Variants in SHC4 observed in about 807,000 individuals in gnomAD.
SHC4 encodes SHC-transforming protein 4.
A neutral mutation model predicts 69.4 loss-of-function variants in SHC4; 41 were observed. That is an observed-to-expected ratio of 0.59 (90% CI 0.46 to 0.77). The LOEUF (loss-of-function observed/expected upper bound fraction) is 0.77. Ranked by LOEUF, SHC4 falls within the 30% of genes least tolerant of loss-of-function variation. SHC4 has a pLI of 0.00. For missense variants in SHC4, 777 were observed against 783.8 expected, an observed-to-expected ratio of 0.99 and a Z score of 0.10; for synonymous variants, 318 against 299.3, an observed-to-expected ratio of 1.06 and a Z score of -0.64.
chr15:48,950,536 G>A (rs1425984416), intron 1 of SHC4, among the ~76,000 whole-genome samples: 1 of 152,148 alleles, frequency 6.6e-6, no homozygotes, highest in Non-Finnish European at 1.5e-5. Flanking sequence ...GTGTTTCACA[G>A]AATATTAGCT....
chr15:48,914,009 C>T (rs1006493155), intron 2 of SHC4, among the ~76,000 whole-genome samples: 7 of 152,146 alleles, frequency 4.6e-5, no homozygotes, highest in East Asian at 3.9e-4. Flanking sequence ...TGGGTCCTCT[C>T]GGGATTGCTG....
intron 5 of SHC4, among the ~76,000 whole-genome samples, chr15:48,868,203 A>C (rs986420064): frequency 2.6e-5 from 4 of 152,332 alleles, no homozygotes; most frequent in Admixed American, 2.6e-4. Context: ...TCCTAGGTTG[A>C]AAGTTGAAAT....
chr15:48,885,328 G>T (rs1297331442), intron 3 of SHC4, among the ~76,000 whole-genome samples: 1 of 149,130 alleles, frequency 6.7e-6, no homozygotes, highest in African/African-American at 2.5e-5. Context: ...TATATAAAAT[G>T]TGGGGGGAAA....
chr15:48,837,767 T>C lies in SHC4; in HGVS notation c.1484-2745A>G, dbSNP rs563645596. On this transcript the variant is annotated intron_variant, in intron 10 of 11. Transcript: ENST00000332408. ...AAGACATATTGTTCACAATCAGACC[T>C]TCAAGAAAGCACAGTATAGATATGG... is the stretch of plus-strand genomic sequence containing the variant. Among the ~76,000 whole-genome samples, 10 of 152,224 alleles carry C rather than the reference T, an allele frequency of 6.6e-5. No individual in the cohort carries two copies. The South Asian group carries it at 1.9e-3, about 28-fold the overall frequency.
intron 2 of SHC4, among the ~76,000 whole-genome samples, chr15:48,895,039 A>G (rs1466424718): frequency 1.3e-5 from 2 of 152,034 alleles, no homozygotes; most frequent in South Asian, 2.1e-4. Context: ...TCCTGGGCTC[A>G]AGTGAGTCTC....
At chr15:48,919,044 G>T (rs1219388465) in intron 2 of SHC4, among the ~76,000 whole-genome samples, 1 of 151,736 alleles carries the variant, frequency 6.6e-6, no homozygotes, top group East Asian at 1.9e-4. Context: ...TGAAGCAAGG[G>T]ACTGATGTCT....
At chr15:48,885,251 A>G (rs1028156570) in intron 3 of SHC4, among the ~76,000 whole-genome samples, 7 of 152,246 alleles carry the variant, frequency 4.6e-5, no homozygotes, top group African/African-American at 1.2e-4. Flanking sequence ...AGATTTCCTC[A>G]GGCAGAAATG....
At chr15:48,925,001 G>C (rs761732907) in intron 1 of SHC4, 52 bp from the exon 2 acceptor site, 1 of 1,588,026 alleles carries the variant, frequency 6.3e-7, no homozygotes, top group Non-Finnish European at 8.6e-7. Flanking sequence ...CCAAGAAGCT[G>C]TCTCTTAGCT....
chr15:48,954,526 G>A (rs1901411769), intron 1 of SHC4, among the ~76,000 whole-genome samples: 1 of 152,220 alleles, frequency 6.6e-6, no homozygotes, highest in African/African-American at 2.4e-5. Context: ...AGTCAATGAA[G>A]TAAATAAACA....
At position 48,878,691 on chromosome 15, in the gene SHC4, A is replaced by G. The variant is rs767925390; in HGVS notation, c.840+5557T>C. On this transcript the variant is annotated intron_variant, in intron 4 of 11. Transcript: ENST00000332408. ...GAGCTTTTTTCACTGATGGTTGTCA[A>G]TCGTCTGACCGAAGAACTCGGCTGT... is the stretch of plus-strand genomic sequence containing the variant. 1.8e-5 allele frequency: 29 copies of G among 1,613,908 alleles called. No homozygotes were observed. The highest frequency in any genetic ancestry group is 1.6e-4 in the Middle Eastern group (1 of 6,084).
chr15:48,834,492 A>G (rs1898863445), intron 11 of SHC4, among the ~76,000 whole-genome samples: 1 of 152,196 alleles, frequency 6.6e-6, no homozygotes, highest in South Asian at 2.1e-4. Context: ...AAACAGCTGC[A>G]AATTCCTTTA....
At chr15:48,956,123 A>G (rs1357273448) in intron 1 of SHC4, among the ~76,000 whole-genome samples, 1 of 152,074 alleles carries the variant, frequency 6.6e-6, no homozygotes, top group South Asian at 2.1e-4. Flanking sequence ...TTCCACGTCT[A>G]CTCCAAGAAA....
chr15:48,857,674 A>T lies in SHC4; in HGVS notation c.1070+18T>A. 1 of 1,583,320 alleles carries T rather than the reference A, an allele frequency of 6.3e-7. No homozygotes were observed. The highest frequency in any genetic ancestry group is 8.6e-7 in the Non-Finnish European group (1 of 1,165,218). ...CATATATATATATTGTCAAATTATT[A>T]TAAAACTCTTGGCTGACCTTTCACA... On this transcript the variant is annotated intron_variant, in intron 7 of 11. Transcript: ENST00000332408.
intron 11 of SHC4, among the ~76,000 whole-genome samples, chr15:48,828,688 A>G (rs1898738936): frequency 6.6e-6 from 1 of 152,212 alleles, no homozygotes. Context: ...TTTTAAAAAA[A>G]TAATGGCCAT....
chr15:48,915,095 T>A (rs1900593631), intron 2 of SHC4, among the ~76,000 whole-genome samples: 1 of 152,262 alleles, frequency 6.6e-6, no homozygotes, highest in Non-Finnish European at 1.5e-5. Flanking sequence ...AGGAGTTCTT[T>A]ACATATTATG....
intron 1 of SHC4, among the ~76,000 whole-genome samples, chr15:48,939,288 A>G (rs1398613744): frequency 2.6e-5 from 4 of 152,156 alleles, no homozygotes; most frequent in Admixed American, 1.3e-4. Flanking sequence ...AGCCTCAGGG[A>G]ATCAGGGAAG....
At chr15:48,923,992 G>A (rs1405218577) in intron 2 of SHC4, among the ~76,000 whole-genome samples, 1 of 152,046 alleles carries the variant, frequency 6.6e-6, no homozygotes, top group Admixed American at 6.6e-5. Context: ...GAGTGATGTG[G>A]CTCCTTTCGC....
At chr15:48,907,879 A>G (rs1331142077) in intron 2 of SHC4, among the ~76,000 whole-genome samples, 4 of 133,054 alleles carry the variant, frequency 3.0e-5, no homozygotes, top group Non-Finnish European at 3.2e-5. Flanking sequence ...TATATACCAC[A>G]GTTTCTTTAT....
intron 7 of SHC4, 66 bp downstream of exon 7, chr15:48,857,626 A>G (rs1205873986): frequency 9.0e-6 from 12 of 1,331,724 alleles, no homozygotes; most frequent in Admixed American, 2.6e-5. Context: ...ACACACAAAT[A>G]AATACATACA....
Sources: allele counts gnomAD v4.1 joint callset (sites outside exome capture counted in the v4.1 genomes callset), GRCh38; gene constraint gnomAD v4.1.1; transcripts MANE v1.5; gene names NCBI Gene and HGNC (gene_info 2026-07-23, HGNC 2026-07-21).